The following LRRC7 variants were observed in gnomAD, a reference collection of about 807,000 sequenced individuals.
LRRC7 encodes leucine rich repeat containing 7.
Under a neutral mutation model 175.7 loss-of-function variants are expected in LRRC7, and 23 were observed. That is an observed-to-expected ratio of 0.13 (90% CI 0.09 to 0.19). The LOEUF (loss-of-function observed/expected upper bound fraction) is 0.19, where lower values mean the gene tolerates loss of function less well. Ranked by LOEUF, LRRC7 falls within the 10% of genes least tolerant of loss-of-function variation. LRRC7 has a pLI of 1.00. For synonymous variants in LRRC7, 685 were observed against 680.9 expected, an observed-to-expected ratio of 1.01 and a Z score of -0.09; for missense variants, 1,354 against 1,904.7, an observed-to-expected ratio of 0.71 and a Z score of 5.38.
intron 25 of LRRC7, among the ~76,000 whole-genome samples, chr1:70,100,510 C>G (rs938505958): frequency 1.3e-5 from 2 of 152,082 alleles, no homozygotes; most frequent in African/African-American, 4.8e-5. Context: ...GCACTAGTCT[C>G]TTTGTTGCTC....
At chr1:70,025,340 T>A (rs1292944749) in intron 17 of LRRC7, among the ~76,000 whole-genome samples, 1 of 151,586 alleles carries the variant, frequency 6.6e-6, no homozygotes, top group East Asian at 1.9e-4. Context: ...AAATTAAATA[T>A]CCCTGTAAAA....
At chr1:69,728,394 A>G (rs1256867005) in intron 2 of LRRC7, among the ~76,000 whole-genome samples, 1 of 152,214 alleles carries the variant, frequency 6.6e-6, no homozygotes, top group East Asian at 1.9e-4. Flanking sequence ...GCATTTAACA[A>G]GAAATGAAGC....
chr1:69,841,785 T>G (rs561411324), intron 7 of LRRC7, among the ~76,000 whole-genome samples: 3 of 146,632 alleles, frequency 2.0e-5, no homozygotes, highest in Non-Finnish European at 4.4e-5. Flanking sequence ...ACCAGAATGC[T>G]GAGCTATGGA....
chr1:70,016,565 T>A, intron 14 of LRRC7, 31 bp downstream of exon 14: 1 of 1,483,576 alleles, frequency 6.7e-7, no homozygotes, highest in Non-Finnish European at 9.1e-7. Context: ...ATTTATTTAT[T>A]AAGATGAACT....
intron 4 of LRRC7, among the ~76,000 whole-genome samples, chr1:69,823,568 C>T (rs963097165): frequency 1.5e-4 from 23 of 151,994 alleles, no homozygotes; most frequent in African/African-American, 4.8e-4. Flanking sequence ...TGTGCGTACA[C>T]GCACATTAAT....
intron 26 of LRRC7, among the ~76,000 whole-genome samples, chr1:70,113,727 C>CA (rs201499631): frequency 0.026 from 3,645 of 142,020 alleles, 121 homozygotes; most frequent in Middle Eastern, 0.1. Flanking sequence ...GACATATCTT[C>CA]AAAAAAAAAA....
chr1:70,076,335 G>A (rs1412830231), intron 24 of LRRC7, 37 bp downstream of exon 24: 1 of 1,591,684 alleles, frequency 6.3e-7, no homozygotes, highest in Non-Finnish European at 8.6e-7. Flanking sequence ...AAATCTTCAG[G>A]TAAGAAAAGT....
In LRRC7 at chr1:69,641,376, C is replaced by T. The variant is rs1346245969; in HGVS notation, c.3-37005C>T. ...TTTATTATAAATCTTTCAATTAATC[C>T]TTAATACTCTGTTTATTTATTTAGA... On this transcript the variant is annotated intron_variant, in intron 1 of 26. Transcript: ENST00000651989. 2.0e-5 allele frequency among the ~76,000 whole-genome samples: 3 copies of T among 151,222 alleles called. No individual in the cohort carries two copies. In the East Asian group the frequency reaches 5.8e-4, roughly 29 times the overall value.
chr1:69,884,007 G>C (rs61782581), intron 7 of LRRC7, among the ~76,000 whole-genome samples: 26 of 69,372 alleles, frequency 3.7e-4, no homozygotes, highest in Admixed American at 6.5e-4. Context: ...ATGCTGTTTT[G>C]GTTACTGTAG....
intron 1 of LRRC7, among the ~76,000 whole-genome samples, chr1:69,617,547 T>TAAAAAAAAAAAAAAAAAAAACAAAAAAAA (rs1649836993): frequency 1.6e-5 from 1 of 62,008 alleles, no homozygotes; most frequent in Non-Finnish European, 3.0e-5. Flanking sequence ...ATACTCACAG[T>TAAAAAAAAAAAAAAAAAAAACAAAAAAAA]AAAAAAAAAA....
In LRRC7 at chr1:69,807,939, A is replaced by G. The variant is rs187895108; in HGVS notation, c.421+15779A>G. Among the ~76,000 whole-genome samples, 46 of 152,142 alleles carry G rather than the reference A, an allele frequency of 3.0e-4. No homozygotes were observed. The East Asian group carries it at 6.6e-3, about 22-fold the overall frequency. ...CCTGTAACTTTCAGGTACACCAATC[A>G]AATGAAGGTTTGGTCTTTTCACATA... On this transcript the variant is annotated intron_variant, in intron 4 of 26. Transcript: ENST00000651989.
chr1:69,840,222 A>C (rs1235177680), intron 7 of LRRC7, among the ~76,000 whole-genome samples: 2 of 152,076 alleles, frequency 1.3e-5, no homozygotes, highest in African/African-American at 4.8e-5. Flanking sequence ...TTGGGTCTAT[A>C]GAATGAGAAT....
intron 12 of LRRC7, among the ~76,000 whole-genome samples, chr1:70,012,155 A>G (rs954790020): frequency 3.3e-5 from 5 of 152,174 alleles, no homozygotes; most frequent in African/African-American, 1.2e-4. Flanking sequence ...GTAAGAAAAT[A>G]AAAGTTAATT....
chr1:69,615,816 A>T (rs1270363048), intron 1 of LRRC7, among the ~76,000 whole-genome samples: 1 of 152,062 alleles, frequency 6.6e-6, no homozygotes, highest in East Asian at 1.9e-4. Flanking sequence ...TAAAAAATGT[A>T]TACAGTTCAT....
intron 7 of LRRC7, among the ~76,000 whole-genome samples, chr1:69,845,940 C>T (rs368969854): frequency 2.0e-5 from 3 of 152,112 alleles, no homozygotes; most frequent in South Asian, 4.2e-4. Flanking sequence ...CCCATGGTAC[C>T]ATCCTCTTCA....
intron 2 of LRRC7, among the ~76,000 whole-genome samples, chr1:69,708,940 A>C (rs977215460): frequency 1.3e-5 from 2 of 152,182 alleles, no homozygotes; most frequent in African/African-American, 4.8e-5. Context: ...GCCAAACCCA[A>C]CCAACATCAC....
chr1:69,611,485 A>G (rs1013262630), intron 1 of LRRC7, among the ~76,000 whole-genome samples: 4 of 152,068 alleles, frequency 2.6e-5, no homozygotes, highest in African/African-American at 9.7e-5. Flanking sequence ...AGGAAATACA[A>G]GTTTAGTTTC....
intron 4 of LRRC7, among the ~76,000 whole-genome samples, chr1:69,823,483 A>G (rs1368398347): frequency 8.5e-5 from 13 of 152,180 alleles, no homozygotes; most frequent in Non-Finnish European, 1.5e-5. Flanking sequence ...TAACCTTGGC[A>G]CAATGTCTGG....
At chr1:69,851,041 TAAG>T (rs1163078846) in intron 7 of LRRC7, among the ~76,000 whole-genome samples, 2 of 152,102 alleles carry the variant, frequency 1.3e-5, no homozygotes, top group East Asian at 3.9e-4. Flanking sequence ...GCCAGAGAGT[TAAG>T]AAGAAAACCA....
Sources: gnomAD v4.1 joint callset for allele counts (sites outside exome capture counted in the v4.1 genomes callset) on GRCh38, gnomAD v4.1.1 for gene constraint, MANE v1.5 for transcripts, NCBI Gene and HGNC (gene_info 2026-07-23, HGNC 2026-07-21) for gene names.